AK5: variants seen among roughly 807,000 people sequenced by gnomAD.
The protein encoded by AK5 is adenylate kinase 5, also known as adenylate kinase isoenzyme 5.
In AK5, 27 loss-of-function variants were observed where a neutral mutation model predicts 69.5. That is an observed-to-expected ratio of 0.39 (90% CI 0.29 to 0.54). The LOEUF is 0.54. Among genes scored for constraint, AK5 ranks in the 20% least tolerant of loss-of-function variants. The pLI, the probability that AK5 is intolerant of heterozygous loss-of-function variation, is 0.71. For synonymous variants in AK5, 260 were observed against 244.4 expected, an observed-to-expected ratio of 1.06 and a Z score of -0.60; for missense variants, 531 against 700.4, an observed-to-expected ratio of 0.76 and a Z score of 2.73.
chr1:77,387,763 G>T (rs550909217), intron 6 of AK5, among the ~76,000 whole-genome samples: 1 of 152,298 alleles, frequency 6.6e-6, no homozygotes, highest in African/African-American at 2.4e-5. Context: ...CAAGCCTCTT[G>T]CATCTTGCTT....
chr1:77,497,377 A>G (rs970650803), intron 10 of AK5, among the ~76,000 whole-genome samples: 6 of 152,192 alleles, frequency 3.9e-5, no homozygotes, highest in African/African-American at 1.4e-4. Context: ...ACCGGAAGGA[A>G]GAAACTCCGG....
chr1:77,556,535 G>A (rs1660112310), intron 13 of AK5, among the ~76,000 whole-genome samples: 1 of 152,016 alleles, frequency 6.6e-6, no homozygotes, highest in South Asian at 2.1e-4. Flanking sequence ...TCCATCTATT[G>A]CTAATGGACA....
chr1:77,282,938 T>C (rs909271805), intron 1 of AK5: 2 of 985,878 alleles, frequency 2.0e-6, no homozygotes, highest in African/African-American at 1.7e-5. Context: ...CCCCCAGCCT[T>C]GCTCTGCGCT....
chr1:77,558,729 T>TAACA lies in AK5; in HGVS notation c.*60_*63dup, dbSNP rs1190071497. 5.0e-6 allele frequency: 6 copies of TAACA among 1,209,208 alleles called. No individual in the cohort carries two copies. The highest frequency in any genetic ancestry group is 3.6e-5 in the Admixed American group (2 of 56,188). 74.9% of individuals were successfully genotyped at this position (1,209,208 alleles called of 1,614,324 possible). ...GAAAAACATTAAAAAGTTCATTCCT[T>TAACA]AACACAATGTTTCAAGTTAAACCTT... On this transcript the variant is annotated 3_prime_UTR_variant, in exon 14 of 14. Transcript: ENST00000354567.
At chr1:77,437,091 C>T (rs1247508553) in intron 8 of AK5, among the ~76,000 whole-genome samples, 1 of 152,096 alleles carries the variant, frequency 6.6e-6, no homozygotes, top group Non-Finnish European at 1.5e-5. Flanking sequence ...TAAACTCAGG[C>T]ACAAATCTTT....
chr1:77,533,691 T>G (rs1171778271), intron 12 of AK5, among the ~76,000 whole-genome samples: 2 of 152,058 alleles, frequency 1.3e-5, no homozygotes, highest in East Asian at 3.9e-4. Context: ...GTCTAAAAGG[T>G]CATTTGCTGC....
At chr1:77,484,159 CAAA>C (rs35490046) in intron 9 of AK5, among the ~76,000 whole-genome samples, 3 of 123,228 alleles carry the variant, frequency 2.4e-5, no homozygotes, top group African/African-American at 3.2e-5. Flanking sequence ...GACTACGTCT[CAAA>C]AAAAAAAAAA....
intron 10 of AK5, among the ~76,000 whole-genome samples, chr1:77,487,476 CA>C (rs1655676372): frequency 6.6e-6 from 1 of 152,172 alleles, no homozygotes; most frequent in South Asian, 2.1e-4. Flanking sequence ...GTACATTTTC[CA>C]GAAAATGTCT....
chr1:77,444,122 A>T, intron 8 of AK5, among the ~76,000 whole-genome samples: 1 of 146,692 alleles, frequency 6.8e-6, no homozygotes, highest in Non-Finnish European at 1.5e-5. Flanking sequence ...CCACTGCCCA[A>T]CCCTGATCCT....
At chr1:77,457,239 T>C (rs1653548529) in intron 8 of AK5, among the ~76,000 whole-genome samples, 1 of 152,220 alleles carries the variant, frequency 6.6e-6, no homozygotes, top group African/African-American at 2.4e-5. Context: ...GCAGATCTTC[T>C]TTCATTCACT....
chr1:77,294,057 A>G lies in AK5; in HGVS notation c.415+97A>G, dbSNP rs1209974343. 6 of 1,108,102 alleles carry G rather than the reference A, an allele frequency of 5.4e-6. No individual in the cohort carries two copies. The Admixed American group carries it at 1.2e-4, about 22-fold the overall frequency. The allele number at this position is 1,108,102 out of a possible 1,614,324, so 68.6% of individuals were successfully genotyped here. A position where few individuals can be genotyped will look rare whatever the true frequency, so the allele number is the denominator to read the frequency against. On this transcript the variant is annotated intron_variant, in intron 3 of 13. Transcript: ENST00000354567. ...AAATCATATATGTGCAAATAGTTGGATAATGACAAGCAATAGAAACAAAAG... is the reference window on the plus strand; with the variant it reads ...AAATCATATATGTGCAAATAGTTGGGTAATGACAAGCAATAGAAACAAAAG...
chr1:77,365,002 A>G (rs1202928754), intron 6 of AK5, among the ~76,000 whole-genome samples: 2 of 151,932 alleles, frequency 1.3e-5, no homozygotes, highest in East Asian at 3.9e-4. Flanking sequence ...TGTATGGCCT[A>G]CCCCTGTTTT....
At chr1:77,421,823 A>G (rs1033666553) in intron 8 of AK5, among the ~76,000 whole-genome samples, 1 of 151,680 alleles carries the variant, frequency 6.6e-6, no homozygotes, top group Non-Finnish European at 1.5e-5. Context: ...AACTGTGAAC[A>G]CTCCCCAGCA....
chr1:77,416,247 T>G (rs1343584785), intron 7 of AK5, among the ~76,000 whole-genome samples: 1 of 152,170 alleles, frequency 6.6e-6, no homozygotes, highest in African/African-American at 2.4e-5. Context: ...AAATTAAAGT[T>G]TCCCACCTCT....
At chr1:77,459,835 TAG>T (rs1653716669) in intron 8 of AK5, among the ~76,000 whole-genome samples, 1 of 152,222 alleles carries the variant, frequency 6.6e-6, no homozygotes, top group South Asian at 2.1e-4. Context: ...TACATTTTTC[TAG>T]AGTTTCTTGA....
chr1:77,481,497 C>T (rs538310575), intron 8 of AK5, among the ~76,000 whole-genome samples: 1 of 152,208 alleles, frequency 6.6e-6, no homozygotes. Flanking sequence ...AATGCACAGG[C>T]AACTCTAAGA....
At chr1:77,464,368 T>A (rs182340501) in intron 8 of AK5, among the ~76,000 whole-genome samples, 2 of 151,906 alleles carry the variant, frequency 1.3e-5, no homozygotes, top group East Asian at 3.9e-4. Flanking sequence ...CCGGTTGGAG[T>A]TTTTCCGGAG....
intron 8 of AK5, among the ~76,000 whole-genome samples, chr1:77,424,488 A>G (rs1186306646): frequency 6.6e-6 from 1 of 152,178 alleles, no homozygotes; most frequent in South Asian, 2.1e-4. Context: ...TTTTAAAACT[A>G]TGATTAATAT....
rs199723181 is a variant in AK5 at position 77,518,763 on chromosome 1, C to A, written c.1311+36C>A. 6.4e-5 allele frequency: 103 copies of A among 1,606,262 alleles called. No homozygotes were observed. The East Asian group carries it at 2.3e-3, about 35-fold the overall frequency. On this transcript the variant is annotated intron_variant, in intron 11 of 13. Coordinates refer to ENST00000354567, the MANE Select transcript of AK5 (RefSeq NM_174858.3). ...TGGCCTGACCCACATTACTGCCTTTCCTGTCTGGGGAGACCTTTGGGGTTT... is the reference window on the plus strand; with the variant it reads ...TGGCCTGACCCACATTACTGCCTTTACTGTCTGGGGAGACCTTTGGGGTTT...
Sources: gnomAD v4.1 joint callset for allele counts (sites outside exome capture counted in the v4.1 genomes callset) on GRCh38, gnomAD v4.1.1 for gene constraint, MANE v1.5 for transcripts, NCBI Gene and HGNC (gene_info 2026-07-23, HGNC 2026-07-21) for gene names.